Variants in CLNK observed in about 807,000 individuals in gnomAD.
CLNK encodes the protein cytokine dependent hematopoietic cell linker, also known as cytokine-dependent hematopoietic cell linker.
CLNK carries 74 observed loss-of-function variants against 68.6 expected under a neutral mutation model. The ratio of observed to expected loss-of-function variants is 1.08; its 90% CI spans 0.89 to 1.31. The LOEUF is 1.31. Ranked by LOEUF, CLNK falls within the 50% of genes most tolerant of loss-of-function variation. The pLI is 0.00. For missense variants in CLNK, 553 were observed against 515.3 expected (o/e 1.07, Z -0.71); for synonymous variants, 198 against 172.2 (o/e 1.15, Z -1.17).
intron 1 of CLNK, among the ~76,000 whole-genome samples, chr4:10,676,736 T>C (rs1339781074): frequency 1.3e-5 from 2 of 152,124 alleles, no homozygotes; most frequent in Non-Finnish European, 2.9e-5. Context: ...TTGTGGTGAA[T>C]AGACTTTTTA....
intron 8 of CLNK, among the ~76,000 whole-genome samples, chr4:10,543,597 C>G (rs1228531470): frequency 6.6e-6 from 1 of 152,202 alleles, no homozygotes; most frequent in Non-Finnish European, 1.5e-5. Context: ...TCAGCCCGCT[C>G]TCCACTGCAC....
chr4:10,494,874 A>G (rs1430063879), intron 18 of CLNK, among the ~76,000 whole-genome samples: 1 of 152,206 alleles, frequency 6.6e-6, no homozygotes, highest in Non-Finnish European at 1.5e-5. Flanking sequence ...AATCTTTTCC[A>G]GGGGGACAAC....
At position 10,488,790 on chromosome 4, in the gene CLNK, TAC is replaced by T. The variant is rs1716445905; in HGVS notation, c.*1675_*1676del. On this transcript the variant is annotated 3_prime_UTR_variant, in exon 19 of 19. Coordinates refer to ENST00000226951, the MANE Select transcript of CLNK (RefSeq NM_052964.4). Reference sequence around the variant, plus strand: ...CCAGAGAGCTCATTGTCTGCTGTCTTACAAAAGAGATAATCCTGCACATTGTT... The same window carrying T: ...CCAGAGAGCTCATTGTCTGCTGTCTTAAAAGAGATAATCCTGCACATTGTT... 6.6e-6 allele frequency: 1 copy of T among 152,240 alleles called. No individual in the cohort carries two copies. The highest frequency in any genetic ancestry group is 2.1e-4 in the South Asian group (1 of 4,836). 9.4% of individuals were successfully genotyped at this position (152,240 alleles called of 1,614,324 possible).
At chr4:10,516,484 G>GT (rs1717840202) in intron 15 of CLNK, among the ~76,000 whole-genome samples, 1 of 151,138 alleles carries the variant, frequency 6.6e-6, no homozygotes, top group Non-Finnish European at 1.5e-5. Flanking sequence ...TTATCTCTAA[G>GT]TTTACTAAGA....
At chr4:10,713,309 C>T in the CLNK span, among the ~76,000 whole-genome samples, 2 of 152,178 alleles carry the variant, frequency 1.3e-5, no homozygotes, top group South Asian at 2.1e-4. Flanking sequence ...GTGTCCCACA[C>T]TCCACGAATT....
rs1716376029 is a variant in CLNK, at chr4:10,486,975, A to G, written c.*3492T>C. Reference sequence around the variant, plus strand: ...GCTTAGTAATGAATACACATGCAGTACACAAAGGTGCTAACACAATATATG... The same window carrying G: ...GCTTAGTAATGAATACACATGCAGTGCACAAAGGTGCTAACACAATATATG... On this transcript the variant is annotated 3_prime_UTR_variant, in exon 19 of 19. Transcript: ENST00000226951. 1 of 152,252 alleles carries G rather than the reference A, an allele frequency of 6.6e-6. No individual in the cohort carries two copies. The highest frequency in any genetic ancestry group is 6.5e-5 in the Admixed American group (1 of 15,286). The allele number at this position is 152,252 out of a possible 1,614,324, so 9.4% of individuals were successfully genotyped here. A position where few individuals can be genotyped will look rare whatever the true frequency, so the allele number is the denominator to read the frequency against.
At chr4:10,646,991 G>A (rs1723538551) in intron 2 of CLNK, among the ~76,000 whole-genome samples, 1 of 152,192 alleles carries the variant, frequency 6.6e-6, no homozygotes, top group East Asian at 1.9e-4. Context: ...CATTCTTTTT[G>A]TTGCCATCAC....
intron 5 of CLNK, among the ~76,000 whole-genome samples, chr4:10,571,341 T>A (rs867811740): frequency 0.042 from 6,057 of 143,186 alleles, 231 homozygotes; most frequent in Middle Eastern, 0.093. Flanking sequence ...TTTTTTTTTT[T>A]TTTTTTTTTT....
intron 2 of CLNK, among the ~76,000 whole-genome samples, chr4:10,628,696 A>C (rs902526199): frequency 2.6e-5 from 4 of 152,146 alleles, no homozygotes; most frequent in African/African-American, 9.7e-5. Flanking sequence ...TCAGAAACCG[A>C]TACCCCAAAA....
At chr4:10,681,088 T>C (rs1312142579) in intron 1 of CLNK, among the ~76,000 whole-genome samples, 1 of 152,210 alleles carries the variant, frequency 6.6e-6, no homozygotes. Flanking sequence ...CAAATCCAGC[T>C]TTTGAAATTA....
chr4:10,593,721 T>A (rs1721275596), intron 3 of CLNK, among the ~76,000 whole-genome samples: 1 of 152,184 alleles, frequency 6.6e-6, no homozygotes, highest in African/African-American at 2.4e-5. Context: ...GGATGATGAC[T>A]GGGCCTCATG....
rs1417019216 is a variant in CLNK at position 10,684,740 on chromosome 4, G to C, written c.-115C>G. 2 of 152,258 alleles carry C rather than the reference G, an allele frequency of 1.3e-5. No homozygotes were observed. Among genetic ancestry groups the C allele is most frequent in the Non-Finnish European group, 2.9e-5 (2 of 68,116 alleles). 9.4% of individuals were successfully genotyped at this position (152,258 alleles called of 1,614,324 possible). Reference sequence around the variant, plus strand: ...TCCTGTGAGGAGGGGCGGCAGTGCAGAGACCTTGGGGCACTGGAAATTAGT... The same window carrying C: ...TCCTGTGAGGAGGGGCGGCAGTGCACAGACCTTGGGGCACTGGAAATTAGT... On this transcript the variant is annotated 5_prime_UTR_variant, in exon 1 of 19. Coordinates refer to ENST00000226951, the MANE Select transcript of CLNK (RefSeq NM_052964.4).
chr4:10,598,335 C>T (rs547203405), intron 2 of CLNK, among the ~76,000 whole-genome samples: 54 of 152,178 alleles, frequency 3.5e-4, no homozygotes, highest in Non-Finnish European at 7.2e-4. Context: ...CTGCCTCTCC[C>T]TCATCAACAG....
At chr4:10,611,008 AC>A (rs112984239) in intron 2 of CLNK, among the ~76,000 whole-genome samples, 29,565 of 151,864 alleles carry the variant, frequency 0.19, 3,050 homozygotes, top group Middle Eastern at 0.26. Flanking sequence ...ACATGGTGAA[AC>A]CCCATCTCTA....
chr4:10,558,577 C>A, intron 7 of CLNK, 125 bp from the exon 8 acceptor site: 1 of 829,422 alleles, frequency 1.2e-6, no homozygotes, highest in South Asian at 1.6e-5. Context: ...CTCTGGTTTT[C>A]AATGTATGGT....
rs1716378389 is a variant in CLNK, at chr4:10,486,992, C to A, written c.*3475G>T. 6.6e-6 allele frequency: 1 copy of A among 152,112 alleles called. No individual in the cohort carries two copies. The highest frequency in any genetic ancestry group is 1.5e-5 in the Non-Finnish European group (1 of 68,022). 9.4% of individuals were successfully genotyped at this position (152,112 alleles called of 1,614,324 possible). A position where few individuals can be genotyped will look rare whatever the true frequency, so the allele number is the denominator to read the frequency against. ...CATGCAGTACACAAAGGTGCTAACACAATATATGACTAATGATGAGGGCTA... is the reference window on the plus strand; with the variant it reads ...CATGCAGTACACAAAGGTGCTAACAAAATATATGACTAATGATGAGGGCTA... On this transcript the variant is annotated 3_prime_UTR_variant, in exon 19 of 19. Transcript: ENST00000226951.
At chr4:10,568,853 C>T (rs979894300) in intron 5 of CLNK, among the ~76,000 whole-genome samples, 1 of 152,202 alleles carries the variant, frequency 6.6e-6, no homozygotes, top group African/African-American at 2.4e-5. Flanking sequence ...ATTGCATCCA[C>T]TGTGCGATAA....
chr4:10,610,484 C>T (rs112848822), intron 2 of CLNK, among the ~76,000 whole-genome samples: 2 of 151,952 alleles, frequency 1.3e-5, no homozygotes, highest in African/African-American at 4.8e-5. Context: ...GCTTTTTCCC[C>T]CCTCTTCTTT....
intron 2 of CLNK, among the ~76,000 whole-genome samples, chr4:10,644,934 A>G (rs1723453218): frequency 6.6e-6 from 1 of 152,206 alleles, no homozygotes; most frequent in African/African-American, 2.4e-5. Flanking sequence ...AAGGGCGTTT[A>G]TGCCAATCTT....
Sources: gnomAD v4.1 joint callset for allele counts (sites outside exome capture counted in the v4.1 genomes callset) on GRCh38, gnomAD v4.1.1 for gene constraint, MANE v1.5 for transcripts, NCBI Gene and HGNC (gene_info 2026-07-23, HGNC 2026-07-21) for gene names.